Variants in CRY1 observed in about 807,000 individuals in gnomAD.
CRY1 encodes the protein cryptochrome circadian regulator 1, also known as cryptochrome-1.
In CRY1, 45 loss-of-function variants were observed where a neutral mutation model predicts 76.0. The observed-to-expected ratio is 0.59, with a 90% confidence interval of 0.47 to 0.76. The LOEUF is 0.76. Ranked by LOEUF, CRY1 falls within the 30% of genes least tolerant of loss-of-function variation. The pLI is 0.00. For missense variants in CRY1, 587 were observed against 716.4 expected (o/e 0.82, Z 2.06); for synonymous variants, 248 against 244.0 (o/e 1.02, Z -0.15).
chr12:107,092,913 C>CGT lies in CRY1; in HGVS notation c.47_48dup (p.Asp17ThrfsTer6). 2 of 1,606,348 alleles carry CGT rather than the reference C, an allele frequency of 1.2e-6. No homozygotes were observed. The highest frequency in any genetic ancestry group is 1.7e-6 in the Non-Finnish European group (2 of 1,177,394). On this transcript the variant is annotated frameshift_variant, in exon 1 of 13. Transcript: ENST00000008527. LOFTEE classifies it high-confidence loss of function. ...ATGCACTCCTTCAGGGCGGGGTTGT[C>CGT]GTGGAGCCGGAGCCCCTTTCGGAAC...
At position 107,022,091 on chromosome 12, in the gene CRY1, A is replaced by T. The variant is rs1209708092; in HGVS notation, c.260T>A (p.Leu87His). 1.3e-6 allele frequency: 2 copies of T among 1,597,134 alleles called. No individual in the cohort carries two copies. Among genetic ancestry groups the T allele is most frequent in the East Asian group, 2.3e-5 (1 of 44,204 alleles). Reference protein sequence around the residue: ...RGQPADVFPRLFKEWNITKLS... With the variant: ...RGQPADVFPRHFKEWNITKLS... The stretch of plus-strand genomic sequence containing the variant: ...AAATATTTTTCAAATTACCTTGAAA[A>T]GCCTGGGAAACACATCTGCTGGTTG... Residue 87 changes from leucine (L) to histidine (H), a missense_variant, in exon 2 of 13, where the codon CTT becomes CAT. Physicochemically the swap from Leu to His is moderately conservative, Grantham distance 99. Coordinates refer to ENST00000008527, the MANE Select transcript of CRY1 (RefSeq NM_004075.5).
Position 106,997,684 on chromosome 12 carries a change from A to G in CRY1, c.1296T>C (p.Tyr432=), listed in dbSNP as rs780706953. Residue 432 remains tyrosine, a synonymous_variant, in exon 9 of 13, where the codon TAT becomes TAC. Coordinates refer to ENST00000008527, the MANE Select transcript of CRY1 (RefSeq NM_004075.5). ...CAGGGAAGCCTCTTAGGACAGGCAA[A>G]TAACGCCTTTGGGAGAAAAAAGAAA... ...TDPNGDYIRR[Y]LPVLRGFPAK... 6.8e-6 allele frequency: 11 copies of G among 1,613,862 alleles called. No homozygotes were observed. Among genetic ancestry groups the G allele is most frequent in the Admixed American group, 1.7e-5 (1 of 59,982 alleles).
intron 1 of CRY1, among the ~76,000 whole-genome samples, chr12:107,055,951 A>C (rs1398971639): frequency 5.3e-5 from 8 of 152,258 alleles, no homozygotes; most frequent in African/African-American, 1.9e-4. Flanking sequence ...GATCAATCTA[A>C]TTGGTCTAAA....
chr12:107,084,973 C>CA (rs200581722), intron 1 of CRY1, among the ~76,000 whole-genome samples: 6,672 of 101,788 alleles, frequency 0.066, 150 homozygotes, highest in East Asian at 0.14. Context: ...AACAAATTTA[C>CA]AAAAAAAAAA....
chr12:107,070,664 A>ATTT (rs61257299), intron 1 of CRY1, among the ~76,000 whole-genome samples: 1 of 142,088 alleles, frequency 7.0e-6, no homozygotes, highest in Admixed American at 7.4e-5. Flanking sequence ...GGATTCTCTT[A>ATTT]TTTTTATTTA....
intron 1 of CRY1, among the ~76,000 whole-genome samples, chr12:107,080,274 T>C (rs1404627705): frequency 6.6e-6 from 1 of 152,094 alleles, no homozygotes; most frequent in Non-Finnish European, 1.5e-5. Context: ...AGGATGAAGA[T>C]GAACTCTGTT....
At chr12:107,006,311 G>T (rs777172274) in intron 2 of CRY1, among the ~76,000 whole-genome samples, 5 of 152,006 alleles carry the variant, frequency 3.3e-5, no homozygotes, top group African/African-American at 7.2e-5. Context: ...ACTTGAACCC[G>T]GGAGGTGGAG....
chr12:107,022,705 T>A (rs944434073), intron 1 of CRY1, among the ~76,000 whole-genome samples: 5 of 151,930 alleles, frequency 3.3e-5, no homozygotes, highest in Admixed American at 1.3e-4. Context: ...TACTTTTTTG[T>A]AATATTGTAA....
At chr12:106,996,309 T>C (rs1952232631) in intron 10 of CRY1, among the ~76,000 whole-genome samples, 1 of 152,202 alleles carries the variant, frequency 6.6e-6, no homozygotes, top group Non-Finnish European at 1.5e-5. Flanking sequence ...TCTCGTTCCT[T>C]TTTATGGCTG....
Position 106,992,864 on chromosome 12 carries a change from T to C in CRY1, c.1684A>G (p.Ser562Gly), listed in dbSNP as rs751416280. 1.9e-6 allele frequency: 3 copies of C among 1,614,046 alleles called. No homozygotes were observed. Among genetic ancestry groups the C allele is most frequent in the Non-Finnish European group, 2.5e-6 (3 of 1,179,912 alleles). ...TCCTGACTAGGACGTTTCCCACCAC[T>C]GAGACCAGTGCCCATGGAGCTTCTT... ...QGRSSMGTGLSGGKRPSQEED... is the reference protein window; with the variant it reads ...QGRSSMGTGLGGGKRPSQEED... Residue 562 changes from serine to glycine, a missense_variant, in exon 12 of 13, where the codon AGT becomes GGT. Coordinates refer to ENST00000008527, the MANE Select transcript of CRY1 (RefSeq NM_004075.5).
chr12:107,038,442 G>A (rs1198442142), intron 1 of CRY1, among the ~76,000 whole-genome samples: 22 of 152,160 alleles, frequency 1.4e-4, no homozygotes, highest in Non-Finnish European at 2.1e-4. Context: ...GCAAAGGATA[G>A]ATGTATGTAT....
intron 1 of CRY1, among the ~76,000 whole-genome samples, chr12:107,088,461 T>C (rs1953429645): frequency 6.6e-6 from 1 of 152,064 alleles, no homozygotes; most frequent in South Asian, 2.1e-4. Flanking sequence ...CCCTCAGGTA[T>C]CCCTTTATAA....
intron 2 of CRY1, among the ~76,000 whole-genome samples, chr12:107,016,194 C>T (rs886070408): frequency 3.9e-5 from 6 of 152,092 alleles, no homozygotes; most frequent in Non-Finnish European, 5.9e-5. Flanking sequence ...CCTGTAGTCC[C>T]AGCTACTCAG....
intron 2 of CRY1, among the ~76,000 whole-genome samples, chr12:107,008,439 G>A (rs936982344): frequency 1.3e-5 from 2 of 152,134 alleles, no homozygotes; most frequent in Non-Finnish European, 2.9e-5. Flanking sequence ...TACTGAATAC[G>A]TAACTATTAG....
intron 2 of CRY1, among the ~76,000 whole-genome samples, chr12:107,008,293 A>G (rs1463464558): frequency 6.6e-6 from 1 of 152,260 alleles, no homozygotes; most frequent in Non-Finnish European, 1.5e-5. Flanking sequence ...AATCTAGGGA[A>G]GAGAAAGTTT....
At chr12:107,001,739 CA>C in intron 4 of CRY1, 24 bp downstream of exon 4, 1 of 1,502,632 alleles carries the variant, frequency 6.7e-7, no homozygotes, top group Non-Finnish European at 8.8e-7. Flanking sequence ...TTGCAAGCCT[CA>C]CACTGACTAC....
intron 1 of CRY1, among the ~76,000 whole-genome samples, chr12:107,032,068 G>A (rs557180093): frequency 6.6e-6 from 1 of 152,268 alleles, no homozygotes; most frequent in South Asian, 2.1e-4. Flanking sequence ...CCAAGTAGTT[G>A]GGACTACAGG....
Position 107,009,563 on chromosome 12 carries a change from CATATATAT to C in CRY1, c.268-4323_268-4316del, listed in dbSNP as rs869185018. On this transcript the variant is annotated intron_variant, in intron 2 of 12. Transcript: ENST00000008527. ...CAGAAAAAACAAAAAAACAAAAAAACATATATATATATATATATATATATATATATATA... is the reference window on the plus strand; with the variant it reads ...CAGAAAAAACAAAAAAACAAAAAAACATATATATATATATATATATATATA... 8.6e-4 allele frequency among the ~76,000 whole-genome samples: 78 copies of C among 90,962 alleles called. 4 individuals carry two copies. The highest frequency in any genetic ancestry group is 9.5e-4 in the Non-Finnish European group (46 of 48,264). 59.7% of individuals were successfully genotyped at this position (90,962 alleles called of 152,430 possible).
chr12:107,087,632 T>C (rs1953418785), intron 1 of CRY1, among the ~76,000 whole-genome samples: 1 of 152,244 alleles, frequency 6.6e-6, no homozygotes. Context: ...TTGTTTTTGA[T>C]CTTACAGGTT....
Sources: gnomAD v4.1 joint callset for allele counts (sites outside exome capture counted in the v4.1 genomes callset) on GRCh38, gnomAD v4.1.1 for gene constraint, MANE v1.5 for transcripts, NCBI Gene and HGNC (gene_info 2026-07-23, HGNC 2026-07-21) for gene names.